Variants in DHRSX observed in about 807,000 individuals in gnomAD.
The protein encoded by DHRSX is dehydrogenase/reductase X-linked, also known as polyprenol dehydrogenase.
A neutral mutation model predicts 34.0 loss-of-function variants in DHRSX; 31 were observed. The observed-to-expected ratio is 0.91, with a 90% CI of 0.69 to 1.23. The LOEUF is 1.23. Ranked by LOEUF, DHRSX falls within the 50% of genes most tolerant of loss-of-function variation. The probability of loss-of-function intolerance (pLI) is 0.00; values close to 1 mark genes in which losing one functional copy is unlikely to be tolerated. For missense variants in DHRSX, 414 were observed against 428.1 expected, an observed-to-expected ratio of 0.97 and a Z score of 0.29; for synonymous variants, 201 against 183.8, an observed-to-expected ratio of 1.09 and a Z score of -0.76.
At chrX:2,353,635 G>A (rs1265048156) in intron 3 of DHRSX, among the ~76,000 whole-genome samples, 1 of 149,380 alleles carries the variant, frequency 6.7e-6, no homozygotes, top group Non-Finnish European at 1.5e-5. Flanking sequence ...CCAGGCTGGA[G>A]TGCAATGGCG....
chrX:2,341,512 G>C (rs191184014), intron 3 of DHRSX, among the ~76,000 whole-genome samples: 12 of 152,092 alleles, frequency 7.9e-5, no homozygotes, highest in Admixed American at 3.3e-4. Context: ...CTCCTCTTCC[G>C]TCTCTTACAA....
intron 1 of DHRSX, among the ~76,000 whole-genome samples, chrX:2,448,834 C>T (rs1489332172): frequency 7.2e-5 from 11 of 152,148 alleles, no homozygotes; most frequent in African/African-American, 2.4e-4. Context: ...ACAGTTTACA[C>T]GACCATGACA....
At chrX:2,239,053 C>T (rs2016081287) in intron 6 of DHRSX, among the ~76,000 whole-genome samples, 1 of 152,108 alleles carries the variant, frequency 6.6e-6, no homozygotes, top group African/African-American at 2.4e-5. Context: ...CATTTCCAGG[C>T]TAATGCATAT....
chrX:2,356,356 C>G (rs779072769), intron 3 of DHRSX, among the ~76,000 whole-genome samples: 18 of 151,898 alleles, frequency 1.2e-4, no homozygotes, highest in African/African-American at 4.3e-4. Flanking sequence ...GCCTGGGTGA[C>G]AAAGCAAGAC....
chrX:2,284,553 T>G (rs1271916370), intron 4 of DHRSX, among the ~76,000 whole-genome samples: 1 of 152,214 alleles, frequency 6.6e-6, no homozygotes, highest in Non-Finnish European at 1.5e-5. Context: ...GTAGGAAAAA[T>G]AATGCTTAGT....
intron 3 of DHRSX, among the ~76,000 whole-genome samples, chrX:2,395,311 C>T (rs1443067183): frequency 6.6e-6 from 1 of 152,152 alleles, no homozygotes; most frequent in Non-Finnish European, 1.5e-5. Flanking sequence ...CAGATCAGCA[C>T]CCAACACACC....
intron 1 of DHRSX, among the ~76,000 whole-genome samples, chrX:2,472,704 G>T (rs1427327326): frequency 1.3e-5 from 2 of 152,150 alleles, no homozygotes; most frequent in Admixed American, 1.3e-4. Flanking sequence ...GGGAGACGGA[G>T]GTTGCAGTGA....
intron 4 of DHRSX, among the ~76,000 whole-genome samples, chrX:2,284,780 G>A (rs578175024): frequency 2.0e-4 from 31 of 152,266 alleles, no homozygotes; most frequent in East Asian, 9.6e-4. Context: ...AAATCATCGC[G>A]TTGCCTCTGA....
At chrX:2,455,888 C>T (rs1032282642) in intron 1 of DHRSX, among the ~76,000 whole-genome samples, 10 of 151,938 alleles carry the variant, frequency 6.6e-5, no homozygotes, top group African/African-American at 1.7e-4. Context: ...CAGGACTTCA[C>T]GACACCAACG....
intron 5 of DHRSX, among the ~76,000 whole-genome samples, chrX:2,249,979 C>G (rs1467684839): frequency 2.0e-5 from 3 of 151,528 alleles, no homozygotes; most frequent in Non-Finnish European, 2.9e-5. Flanking sequence ...CTGGCTAACA[C>G]GGTGAAACCC....
chrX:2,312,413 T>C (rs2042174712), intron 3 of DHRSX, among the ~76,000 whole-genome samples: 1 of 152,114 alleles, frequency 6.6e-6, no homozygotes, highest in Admixed American at 6.6e-5. Context: ...GATGAGTTCA[T>C]GTCCTTTGCA....
At chrX:2,313,612 C>G (rs1457835923) in intron 3 of DHRSX, among the ~76,000 whole-genome samples, 3 of 152,070 alleles carry the variant, frequency 2.0e-5, no homozygotes, top group African/African-American at 7.2e-5. Context: ...CGTGATCTGC[C>G]CACCTCGGCC....
chrX:2,397,885 C>G (rs536881961), intron 3 of DHRSX, among the ~76,000 whole-genome samples: 1 of 151,700 alleles, frequency 6.6e-6, no homozygotes, highest in Non-Finnish European at 1.5e-5. Flanking sequence ...TCAGCCTTGT[C>G]GTCTAATGGA....
At chrX:2,389,717 C>T (rs2043313066) in intron 3 of DHRSX, among the ~76,000 whole-genome samples, 1 of 152,156 alleles carries the variant, frequency 6.6e-6, no homozygotes, top group Non-Finnish European at 1.5e-5. Context: ...CTGATCTGGC[C>T]TTTTCAGATT....
chrX:2,402,959 A>T (rs1387307460), intron 3 of DHRSX, among the ~76,000 whole-genome samples: 1 of 145,644 alleles, frequency 6.9e-6, no homozygotes, highest in African/African-American at 2.6e-5. Context: ...CTCAGCTCAC[A>T]GCAACCTCCG....
chrX:2,286,934 A>G (rs1369511244), intron 4 of DHRSX, among the ~76,000 whole-genome samples: 3 of 152,248 alleles, frequency 2.0e-5, no homozygotes, highest in African/African-American at 7.2e-5. Context: ...TGTTCTGAGC[A>G]GCACAGGCTG....
At position 2,248,628 on chromosome X, in the gene DHRSX, A is replaced by AAAAG. The variant is rs1556433593; in HGVS notation, c.597-5399_597-5398insCTTT. ...GACTCTGTCTCAAAAAAAAAAAAAG[A>AAAAG]AAAAGAAAAGAAAAGAAAAAGAAAG... On this transcript the variant is annotated intron_variant, in intron 5 of 6. Transcript: ENST00000334651. Among the ~76,000 whole-genome samples the AAAAG allele has an allele frequency of 8.0e-3, 834 of 104,004 alleles. 11 individuals are homozygous for AAAAG. In the East Asian group the frequency reaches 0.084, roughly 11 times the overall value. 68.2% of individuals were successfully genotyped at this position (104,004 alleles called of 152,430 possible).
chrX:2,365,458 T>G (rs1165323847), intron 3 of DHRSX, among the ~76,000 whole-genome samples: 2 of 152,116 alleles, frequency 1.3e-5, no homozygotes, highest in Non-Finnish European at 2.9e-5. Flanking sequence ...GCCTTTTTGA[T>G]GCCACTTTGC....
In DHRSX at chrX:2,459,550, G is replaced by GTGTATATA. The variant is rs1202342518; in HGVS notation, c.110-34247_110-34246insTATATACA. On this transcript the variant is annotated intron_variant, in intron 1 of 6. Transcript: ENST00000334651. ...AGAGAGAGAGAATGTGTGTCTGTGT[G>GTGTATATA]TATATATATATATATATATATATAT... Among the ~76,000 whole-genome samples, 10 of 137,786 alleles carry GTGTATATA rather than the reference G, an allele frequency of 7.3e-5. No individual in the cohort carries two copies. The South Asian group carries it at 1.4e-3, about 19-fold the overall frequency. The allele number at this position is 137,786 out of a possible 152,430, so 90.4% of individuals were successfully genotyped here.
Sources: gnomAD v4.1 joint callset for allele counts (sites outside exome capture counted in the v4.1 genomes callset) on GRCh38, gnomAD v4.1.1 for gene constraint, MANE v1.5 for transcripts, NCBI Gene and HGNC (gene_info 2026-07-23, HGNC 2026-07-21) for gene names.